SCIN: variants seen among roughly 807,000 people sequenced by gnomAD.
SCIN encodes adseverin.
In SCIN, 91 loss-of-function variants were observed where a neutral mutation model predicts 91.8. The observed-to-expected ratio is 0.99, with a 90% CI of 0.84 to 1.18. The LOEUF is 1.18. Ranked by LOEUF, SCIN falls within the 50% of genes most tolerant of loss-of-function variation. The pLI is 0.00. For synonymous variants in SCIN, 367 were observed against 312.6 expected, an observed-to-expected ratio of 1.17 and a Z score of -1.84; for missense variants, 1,087 against 863.9, an observed-to-expected ratio of 1.26 and a Z score of -3.24.
chr7:12,642,559 C>G (rs948981413), intron 11 of SCIN, among the ~76,000 whole-genome samples: 1 of 150,844 alleles, frequency 6.6e-6, no homozygotes, highest in Non-Finnish European at 1.5e-5. Flanking sequence ...CTTTTTAAAG[C>G]CAGTTCTCTC....
At chr7:12,618,985 T>G (rs1783352894) in intron 4 of SCIN, among the ~76,000 whole-genome samples, 1 of 152,064 alleles carries the variant, frequency 6.6e-6, no homozygotes, top group Admixed American at 6.6e-5. Flanking sequence ...GCTTTAATAT[T>G]TATGAGACAC....
chr7:12,619,313 A>G (rs574679602), intron 4 of SCIN, among the ~76,000 whole-genome samples: 17 of 152,304 alleles, frequency 1.1e-4, no homozygotes, highest in African/African-American at 3.4e-4. Context: ...ACATCTTGAG[A>G]ACAAGCCAGT....
intron 3 of SCIN, among the ~76,000 whole-genome samples, chr7:12,584,794 GAA>G (rs1782554732): frequency 6.6e-6 from 1 of 152,128 alleles, no homozygotes; most frequent in Non-Finnish European, 1.5e-5. Flanking sequence ...ACTATTTTTA[GAA>G]ATTAGTAAAA....
At chr7:12,629,676 T>A (rs996090789) in intron 9 of SCIN, among the ~76,000 whole-genome samples, 1 of 152,198 alleles carries the variant, frequency 6.6e-6, no homozygotes, top group Admixed American at 6.5e-5. Context: ...GCAATTCTTA[T>A]TCTTGTTTCC....
intron 4 of SCIN, among the ~76,000 whole-genome samples, chr7:12,621,201 A>G (rs1447006803): frequency 6.6e-6 from 1 of 152,156 alleles, no homozygotes; most frequent in Non-Finnish European, 1.5e-5. Context: ...ACTCATTTAT[A>G]TACCCCAGTG....
chr7:12,630,714 C>CA (rs562687703), intron 9 of SCIN, among the ~76,000 whole-genome samples: 1 of 152,126 alleles, frequency 6.6e-6, no homozygotes, highest in South Asian at 2.1e-4. Flanking sequence ...TATTTCTTTC[C>CA]AAAAAGAGTG....
At chr7:12,607,319 A>G (rs1422191804) in intron 4 of SCIN, among the ~76,000 whole-genome samples, 2 of 152,174 alleles carry the variant, frequency 1.3e-5, no homozygotes, top group African/African-American at 2.4e-5. Context: ...TGCCACTTGT[A>G]GTCTGTTCCA....
At chr7:12,622,499 T>A (rs917785339) in intron 4 of SCIN, among the ~76,000 whole-genome samples, 2 of 152,166 alleles carry the variant, frequency 1.3e-5, no homozygotes, top group Non-Finnish European at 2.9e-5. Context: ...CAAATTTTAA[T>A]TAATTCCTTC....
intron 2 of SCIN, among the ~76,000 whole-genome samples, chr7:12,579,827 T>C (rs904870695): frequency 6.6e-6 from 1 of 152,122 alleles, no homozygotes; most frequent in Non-Finnish European, 1.5e-5. Context: ...GGCAGGAGAA[T>C]TGCTTGAACC....
chr7:12,571,121 C>G (rs1354599027), intron 1 of SCIN, 136 bp downstream of exon 1: 15 of 995,268 alleles, frequency 1.5e-5, no homozygotes, highest in Non-Finnish European at 2.0e-5. Flanking sequence ...CGGGGCTGCC[C>G]TTTGGGGCCG....
At chr7:12,610,066 T>A (rs1012176573) in intron 4 of SCIN, among the ~76,000 whole-genome samples, 6 of 152,204 alleles carry the variant, frequency 3.9e-5, no homozygotes, top group African/African-American at 1.2e-4. Context: ...CCAGAGAGCA[T>A]GGTCTGAATA....
intron 15 of SCIN, among the ~76,000 whole-genome samples, chr7:12,652,326 G>A (rs1784095507): frequency 6.8e-6 from 1 of 146,230 alleles, no homozygotes; most frequent in Non-Finnish European, 1.5e-5. Context: ...ATTCTTTCAG[G>A]CATTAATGAG....
chr7:12,641,478 A>G (rs187523379), intron 11 of SCIN, among the ~76,000 whole-genome samples: 1 of 152,032 alleles, frequency 6.6e-6, no homozygotes, highest in East Asian at 1.9e-4. Context: ...TCCGTCCTCT[A>G]GACCTCTTGT....
At chr7:12,571,386 C>G in intron 1 of SCIN, 1 of 334,966 alleles carries the variant, frequency 3.0e-6, no homozygotes, top group Non-Finnish European at 5.8e-6. Context: ...CTTTCCCTGT[C>G]GGGATGGAGA....
intron 8 of SCIN, among the ~76,000 whole-genome samples, chr7:12,627,937 A>G (rs1783561807): frequency 6.6e-6 from 1 of 152,078 alleles, no homozygotes; most frequent in Non-Finnish European, 1.5e-5. Flanking sequence ...GCCTCTCTCT[A>G]GAAGCACTGC....
rs966211274 is a variant in SCIN, at chr7:12,651,726, C to T, written c.1960-115C>T. The T allele has an allele frequency of 8.9e-6, 6 of 670,470 alleles. No individual in the cohort carries two copies. The African/African-American group carries it at 1.1e-4, about 12-fold the overall frequency. The allele number at this position is 670,470 out of a possible 1,614,324, so 41.5% of individuals were successfully genotyped here. A position where few individuals can be genotyped will look rare whatever the true frequency, so the allele number is the denominator to read the frequency against. On this transcript the variant is annotated intron_variant, in intron 14 of 15. Coordinates refer to ENST00000297029, the MANE Select transcript of SCIN (RefSeq NM_001112706.3). The surrounding 1 kb of genome is among the most constrained non-coding windows in gnomAD (Gnocchi z 5.9). ...GCCACCACCTCCACGTCCCTAACTT[C>T]TGCGGATATTGTGAAGATTGAATGA...
At chr7:12,604,123 A>G (rs1039519177) in intron 3 of SCIN, among the ~76,000 whole-genome samples, 5 of 152,070 alleles carry the variant, frequency 3.3e-5, no homozygotes, top group African/African-American at 1.2e-4. Context: ...TCAATTTAAA[A>G]ACATGAATAG....
intron 4 of SCIN, among the ~76,000 whole-genome samples, chr7:12,612,406 A>G (rs761840611): frequency 4.6e-5 from 7 of 152,218 alleles, no homozygotes; most frequent in Non-Finnish European, 8.8e-5. Context: ...GCTACACTGC[A>G]TATAGAGAAG....
At chr7:12,571,023 G>A (rs1018915531) in intron 1 of SCIN, 38 bp downstream of exon 1, 2 of 1,530,786 alleles carry the variant, frequency 1.3e-6, no homozygotes, top group Admixed American at 2.0e-5. Flanking sequence ...GACGCACCAA[G>A]GCCGGCGAGG....
Sources: allele counts gnomAD v4.1 joint callset (sites outside exome capture counted in the v4.1 genomes callset), GRCh38; gene constraint gnomAD v4.1.1; non-coding constraint Gnocchi (gnomAD v3.1); transcripts MANE v1.5; gene names NCBI Gene and HGNC (gene_info 2026-07-23, HGNC 2026-07-21).